Variants in ARPP21 observed in about 807,000 individuals in gnomAD.
ARPP21 encodes cAMP-regulated phosphoprotein 21.
Under a neutral mutation model 113.2 loss-of-function variants are expected in ARPP21, and 69 were observed. The observed-to-expected ratio is 0.61, with a 90% CI of 0.50 to 0.74. The LOEUF (loss-of-function observed/expected upper bound fraction) is 0.74, where lower values mean the gene tolerates loss of function less well. Among genes scored for constraint, ARPP21 ranks in the 30% least tolerant of loss-of-function variants. The pLI is 0.00. For missense variants in ARPP21, 1,070 were observed against 1,037.4 expected (o/e 1.03, Z -0.43); for synonymous variants, 368 against 375.5 (o/e 0.98, Z 0.23).
chr3:35,758,498 C>T (rs2095651334), intron 19 of ARPP21, among the ~76,000 whole-genome samples: 1 of 151,960 alleles, frequency 6.6e-6, no homozygotes, highest in African/African-American at 2.4e-5. Context: ...GGAGCTCACA[C>T]TCTTTGAGTT....
chr3:35,729,284 G>C lies in ARPP21; in HGVS notation c.1226-19G>C. On this transcript the variant is annotated intron_variant, in intron 14 of 20. Coordinates refer to ENST00000684406, the MANE Select transcript of ARPP21 (RefSeq NM_001385562.1). ...ATCTCTGTGTGTTCAATGATTTGTT[G>C]ATTGTATCCCTATGCCAGGTTCCGA... The C allele has an allele frequency of 6.4e-7, 1 of 1,567,264 alleles. No individual in the cohort carries two copies. Among genetic ancestry groups the C allele is most frequent in the Non-Finnish European group, 8.8e-7 (1 of 1,138,134 alleles).
chr3:35,766,470 G>A (rs1278384745), intron 19 of ARPP21, among the ~76,000 whole-genome samples: 1 of 152,194 alleles, frequency 6.6e-6, no homozygotes, highest in East Asian at 1.9e-4. Context: ...GCCTGCCCTA[G>A]ATGCCACTGT....
At chr3:35,747,865 T>A (rs2095169984) in intron 19 of ARPP21, among the ~76,000 whole-genome samples, 1 of 150,222 alleles carries the variant, frequency 6.7e-6, no homozygotes, top group Non-Finnish European at 1.5e-5. Flanking sequence ...TGAGCCATGA[T>A]CATGCCATTG....
intron 19 of ARPP21, among the ~76,000 whole-genome samples, chr3:35,769,653 G>C (rs2096124121): frequency 6.6e-6 from 1 of 152,254 alleles, no homozygotes; most frequent in Non-Finnish European, 1.5e-5. Flanking sequence ...ATAATAATTT[G>C]TCAGACTGCA....
chr3:35,660,169 G>T (rs1707038430), intron 1 of ARPP21, among the ~76,000 whole-genome samples: 1 of 152,146 alleles, frequency 6.6e-6, no homozygotes, highest in African/African-American at 2.4e-5. Flanking sequence ...TAATCATGAG[G>T]TATCACTTCT....
chr3:35,780,710 T>C (rs2096504026), intron 19 of ARPP21, among the ~76,000 whole-genome samples: 1 of 152,174 alleles, frequency 6.6e-6, no homozygotes, highest in South Asian at 2.1e-4. Flanking sequence ...CTGTCAGAAA[T>C]GCATATGTTT....
intron 1 of ARPP21, among the ~76,000 whole-genome samples, chr3:35,653,325 T>C (rs1254232740): frequency 2.0e-5 from 3 of 152,046 alleles, no homozygotes; most frequent in Non-Finnish European, 4.4e-5. Context: ...AATTACCCTG[T>C]AATATGTAAC....
intron 11 of ARPP21, among the ~76,000 whole-genome samples, chr3:35,714,300 A>G (rs1389859115): frequency 6.6e-6 from 1 of 152,232 alleles, no homozygotes; most frequent in African/African-American, 2.4e-5. Flanking sequence ...AATCTAGCCC[A>G]TTGGCTTAGT....
intron 11 of ARPP21, among the ~76,000 whole-genome samples, chr3:35,712,149 G>C (rs922702681): frequency 7.2e-5 from 11 of 152,298 alleles, no homozygotes; most frequent in South Asian, 2.1e-4. Flanking sequence ...TGAGGCACAA[G>C]ATCATTCTTT....
intron 1 of ARPP21, among the ~76,000 whole-genome samples, chr3:35,657,947 A>T (rs938574143): frequency 6.6e-6 from 1 of 152,152 alleles, no homozygotes; most frequent in Non-Finnish European, 1.5e-5. Flanking sequence ...TTTTAAGATT[A>T]CTAGAGAATC....
intron 1 of ARPP21, among the ~76,000 whole-genome samples, chr3:35,649,670 G>A (rs1426611463): frequency 6.6e-6 from 1 of 152,014 alleles, no homozygotes; most frequent in African/African-American, 2.4e-5. Context: ...CAGGGGTGAG[G>A]GACAAAGGGA....
At chr3:35,678,266 T>C (rs955518012) in intron 1 of ARPP21, among the ~76,000 whole-genome samples, 2 of 151,902 alleles carry the variant, frequency 1.3e-5, no homozygotes, top group African/African-American at 4.8e-5. Flanking sequence ...TAAAGAGAAA[T>C]CAAAAGAGTT....
chr3:35,771,720 T>A (rs890386892), intron 19 of ARPP21, among the ~76,000 whole-genome samples: 2 of 152,124 alleles, frequency 1.3e-5, no homozygotes, highest in African/African-American at 4.8e-5. Flanking sequence ...TCACACTGCA[T>A]AGAATGTGCA....
chr3:35,699,141 G>A (rs1036801226), intron 9 of ARPP21, among the ~76,000 whole-genome samples: 1 of 151,620 alleles, frequency 6.6e-6, no homozygotes, highest in Non-Finnish European at 1.5e-5. Flanking sequence ...GTGTCTGTGT[G>A]TGTAAATACA....
intron 14 of ARPP21, among the ~76,000 whole-genome samples, chr3:35,726,593 T>C (rs1055485863): frequency 5.9e-5 from 9 of 152,242 alleles, no homozygotes; most frequent in African/African-American, 1.4e-4. Context: ...GCTTTTTTTT[T>C]CCCTCAGGTA....
At chr3:35,746,617 A>G (rs1334733298) in intron 19 of ARPP21, among the ~76,000 whole-genome samples, 2 of 152,130 alleles carry the variant, frequency 1.3e-5, no homozygotes, top group Non-Finnish European at 2.9e-5. Context: ...ACCCTTTTCC[A>G]TCTTCATCTG....
chr3:35,711,824 T>C (rs1413829748), intron 11 of ARPP21, among the ~76,000 whole-genome samples: 1 of 152,162 alleles, frequency 6.6e-6, no homozygotes, highest in African/African-American at 2.4e-5. Flanking sequence ...TAACTTCCCC[T>C]GAAGAAAGTG....
At chr3:35,715,611 A>T in intron 12 of ARPP21, 135 bp downstream of exon 12, 1 of 649,972 alleles carries the variant, frequency 1.5e-6, no homozygotes, top group Non-Finnish European at 2.7e-6. Flanking sequence ...ATCTATGCGT[A>T]CACACATATA....
chr3:35,768,161 G>C (rs1020210209), intron 19 of ARPP21, among the ~76,000 whole-genome samples: 1 of 150,346 alleles, frequency 6.7e-6, no homozygotes, highest in African/African-American at 2.5e-5. Flanking sequence ...ATGAAGGATG[G>C]AGAGGATAGG....
Sources: allele counts gnomAD v4.1 joint callset (sites outside exome capture counted in the v4.1 genomes callset), GRCh38; gene constraint gnomAD v4.1.1; transcripts MANE v1.5; gene names NCBI Gene and HGNC (gene_info 2026-07-23, HGNC 2026-07-21).